The following FYN variants were observed in gnomAD, a reference collection of about 807,000 sequenced individuals.
The protein encoded by FYN is FYN proto-oncogene, Src family tyrosine kinase, also known as tyrosine-protein kinase Fyn.
A neutral mutation model predicts 70.2 loss-of-function variants in FYN; 10 were observed. The observed-to-expected ratio is 0.14, with a 90% confidence interval of 0.09 to 0.24. The LOEUF (loss-of-function observed/expected upper bound fraction) is 0.24, where lower values mean the gene tolerates loss of function less well. Ranked by LOEUF, FYN falls within the 10% of genes least tolerant of loss-of-function variation. FYN has a pLI of 1.00. For missense variants in FYN, 319 were observed against 673.1 expected (o/e 0.47, Z 5.82); for synonymous variants, 236 against 248.6 (o/e 0.95, Z 0.48).
chr6:111,688,973 T>A (rs1009551610), intron 12 of FYN, among the ~76,000 whole-genome samples: 1 of 152,196 alleles, frequency 6.6e-6, no homozygotes, highest in Non-Finnish European at 1.5e-5. Context: ...CTTGAAAGAT[T>A]GATTTTTTCC....
chr6:111,670,296 G>A (rs1009252632), intron 13 of FYN, among the ~76,000 whole-genome samples: 1 of 152,102 alleles, frequency 6.6e-6, no homozygotes, highest in South Asian at 2.1e-4. Flanking sequence ...TCCCCTGATG[G>A]AAGGCTGTGC....
rs1442006583 is a variant in FYN, at chr6:111,817,917, C to T, written c.-82+28672G>A. 1.1e-4 allele frequency among the ~76,000 whole-genome samples: 16 copies of T among 152,352 alleles called. No homozygotes were observed. In the East Asian group the frequency reaches 2.9e-3, roughly 28 times the overall value. ...GGGGCACTGTCTGGTTACAACAGTG[C>T]CTGGCTGTGATTCTGGTCAGCCTCT... is the stretch of plus-strand genomic sequence containing the variant. On this transcript the variant is annotated intron_variant, in intron 2 of 13. Transcript: ENST00000354650.
In FYN at chr6:111,727,735, C is replaced by T. The variant is rs1234776166; in HGVS notation, c.-11-7673G>A. Among the ~76,000 whole-genome samples the T allele has an allele frequency of 2.6e-5, 4 of 152,144 alleles. No individual in the cohort carries two copies. The East Asian group carries it at 7.7e-4, about 29-fold the overall frequency. On this transcript the variant is annotated intron_variant, in intron 3 of 13. Coordinates refer to ENST00000354650, the MANE Select transcript of FYN (RefSeq NM_002037.5). Reference sequence around the variant, plus strand: ...TCTCTGGAGGGGGAAGAGGATCAACCTTCTCTCATACCGCACAGCAAGGGA... The same window carrying T: ...TCTCTGGAGGGGGAAGAGGATCAACTTTCTCTCATACCGCACAGCAAGGGA...
intron 12 of FYN, among the ~76,000 whole-genome samples, chr6:111,684,374 G>A (rs1478510299): frequency 4.6e-5 from 7 of 152,170 alleles, no homozygotes; most frequent in Non-Finnish European, 1.0e-4. Context: ...CAGAGTTCAA[G>A]ACTGGACAGA....
At chr6:111,761,328 T>C (rs1244771532) in intron 3 of FYN, among the ~76,000 whole-genome samples, 2 of 152,228 alleles carry the variant, frequency 1.3e-5, no homozygotes, top group African/African-American at 4.8e-5. Flanking sequence ...CCAGGTCTGA[T>C]TGCAAAGCCT....
At chr6:111,763,037 C>T (rs1803071604) in intron 3 of FYN, among the ~76,000 whole-genome samples, 2 of 152,204 alleles carry the variant, frequency 1.3e-5, no homozygotes, top group South Asian at 4.1e-4. Context: ...CCTGACCCCA[C>T]TTACCTCAAC....
chr6:111,824,541 T>A lies in FYN; in HGVS notation c.-82+22048A>T, dbSNP rs374465859. Among the ~76,000 whole-genome samples, 18 of 152,360 alleles carry A rather than the reference T, an allele frequency of 1.2e-4. No individual in the cohort carries two copies. The East Asian group carries it at 3.5e-3, about 29-fold the overall frequency. On this transcript the variant is annotated intron_variant, in intron 2 of 13. Coordinates refer to ENST00000354650, the MANE Select transcript of FYN (RefSeq NM_002037.5). ...GCCCATGACTCTGTACCTTTGTCTA[T>A]CTATAGTACATTTTTCTCTCTTGCA...
intron 12 of FYN, among the ~76,000 whole-genome samples, chr6:111,679,233 A>G (rs1456586101): frequency 1.3e-5 from 2 of 152,210 alleles, no homozygotes; most frequent in Non-Finnish European, 2.9e-5. Context: ...TCCTAGCCAA[A>G]GTGTTACTTG....
chr6:111,746,684 G>A (rs1802237187), intron 3 of FYN, among the ~76,000 whole-genome samples: 1 of 152,224 alleles, frequency 6.6e-6, no homozygotes. Context: ...GCATGGGTGT[G>A]TAAGTTCTGG....
rs545978707 is a variant in FYN, at chr6:111,706,498, C to T, written c.443+1424G>A. Among the ~76,000 whole-genome samples, 9 of 152,202 alleles carry T rather than the reference C, an allele frequency of 5.9e-5. No individual in the cohort carries two copies. In the South Asian group the frequency reaches 6.2e-4, roughly 11 times the overall value. ...CAATTCTTAATCTAGCATTAGGTGG[C>T]GTAAAGACTAGTACGTCAATTATTT... On this transcript the variant is annotated intron_variant, in intron 6 of 13. Transcript: ENST00000354650.
intron 3 of FYN, among the ~76,000 whole-genome samples, chr6:111,735,844 T>A (rs1046841479): frequency 3.3e-5 from 5 of 152,226 alleles, no homozygotes; most frequent in Non-Finnish European, 7.3e-5. Flanking sequence ...TTTTGTTACA[T>A]GTGAGAATAA....
At chr6:111,863,020 T>C (rs1474978897) in intron 1 of FYN, among the ~76,000 whole-genome samples, 3 of 152,234 alleles carry the variant, frequency 2.0e-5, no homozygotes, top group Admixed American at 6.5e-5. Context: ...AGGAAGAACG[T>C]AGATACTACA....
chr6:111,837,831 C>CAATA (rs1773236289), intron 2 of FYN, among the ~76,000 whole-genome samples: 1 of 152,206 alleles, frequency 6.6e-6, no homozygotes, highest in Non-Finnish European at 1.5e-5. Context: ...ATGTTCCACC[C>CAATA]TGAAACCATC....
intron 2 of FYN, among the ~76,000 whole-genome samples, chr6:111,812,829 G>C (rs1454856735): frequency 6.6e-6 from 1 of 151,804 alleles, no homozygotes; most frequent in Non-Finnish European, 1.5e-5. Context: ...GTAGTGTTTT[G>C]AGAATTGACT....
At chr6:111,684,115 C>G (rs1177971855) in intron 12 of FYN, among the ~76,000 whole-genome samples, 2 of 152,048 alleles carry the variant, frequency 1.3e-5, no homozygotes, top group African/African-American at 4.8e-5. Flanking sequence ...TCTGAAATTT[C>G]ATAATGTTGA....
chr6:111,683,889 C>T (rs1255907510), intron 12 of FYN, among the ~76,000 whole-genome samples: 1 of 152,122 alleles, frequency 6.6e-6, no homozygotes, highest in African/African-American at 2.4e-5. Context: ...TGATTTCAAA[C>T]CCAATGAAAC....
rs143199222 is a variant in FYN, at chr6:111,837,741, G to C, written c.-82+8848C>G. Among the ~76,000 whole-genome samples, 205 of 152,252 alleles carry C rather than the reference G, an allele frequency of 1.3e-3. 1 individual carries two copies. Among genetic ancestry groups the C allele is most frequent in the African/African-American group, 4.8e-3 (199 of 41,514 alleles). ...CTTGATGACTGTCAGCTTCTCCCGTGGCCTAGCTCTTTGGTGAGACGGTCA... is the reference window on the plus strand; with the variant it reads ...CTTGATGACTGTCAGCTTCTCCCGTCGCCTAGCTCTTTGGTGAGACGGTCA... On this transcript the variant is annotated intron_variant, in intron 2 of 13. Transcript: ENST00000354650.
At chr6:111,746,459 A>T (rs6568705) in intron 3 of FYN, among the ~76,000 whole-genome samples, 87,374 of 151,464 alleles carry the variant, frequency 0.58, 26,762 homozygotes, top group East Asian at 0.87. Context: ...TTATGTGGCA[A>T]GTTTTTGACA....
Position 111,719,769 on chromosome 6 carries a change from GC to G in FYN, c.247+35del, listed in dbSNP as rs1234725212. 1.9e-6 allele frequency: 3 copies of G among 1,597,134 alleles called. 1 individual carries two copies. In the South Asian group the frequency reaches 3.3e-5, roughly 18 times the overall value. On this transcript the variant is annotated intron_variant, in intron 4 of 13. Transcript: ENST00000354650. ...ATTGCCAAAAGATTTAAGGGTGGCT[GC>G]CCCCTCTCTGCACTCTGTGACTTTG...
Sources: gnomAD v4.1 joint callset for allele counts (sites outside exome capture counted in the v4.1 genomes callset) on GRCh38, gnomAD v4.1.1 for gene constraint, MANE v1.5 for transcripts, NCBI Gene and HGNC (gene_info 2026-07-23, HGNC 2026-07-21) for gene names.